RBL1: variants seen among roughly 807,000 people sequenced by gnomAD.
The protein encoded by RBL1 is retinoblastoma-like protein 1.
Under a neutral mutation model 123.0 loss-of-function variants are expected in RBL1, and 82 were observed. The ratio of observed to expected loss-of-function variants is 0.67; its 90% CI spans 0.56 to 0.80. The LOEUF (loss-of-function observed/expected upper bound fraction) is 0.80, where lower values mean the gene tolerates loss of function less well. Ranked by LOEUF, RBL1 falls within the 30% of genes least tolerant of loss-of-function variation. The pLI, the probability that RBL1 is intolerant of heterozygous loss-of-function variation, is 0.00. For synonymous variants in RBL1, 405 were observed against 441.3 expected, an observed-to-expected ratio of 0.92 and a Z score of 1.03; for missense variants, 1,171 against 1,299.6, an observed-to-expected ratio of 0.90 and a Z score of 1.52.
chr20:37,095,766 C>G lies in RBL1; in HGVS notation c.156+7G>C. 1.3e-6 allele frequency: 2 copies of G among 1,582,376 alleles called. No homozygotes were observed. Among genetic ancestry groups the G allele is most frequent in the African/African-American group, 1.3e-5 (1 of 74,424 alleles). ...AGGGTCCGGCCGCCCCACCTGCTGC[C>G]GCTCACCTCTAGGCTGTAGTTGCCT... On this transcript the variant is annotated splice_region_variant and intron_variant, in intron 1 of 21. Transcript: ENST00000373664.
intron 6 of RBL1, 51 bp downstream of exon 6, chr20:37,066,673 C>T (rs1200121902): frequency 8.5e-6 from 13 of 1,524,444 alleles, no homozygotes; most frequent in Middle Eastern, 1.7e-4. Context: ...TTTCTTTTCA[C>T]ATTACTGGTG....
In RBL1 at chr20:36,996,662, CT is replaced by C; in HGVS notation, c.*2096del. On this transcript the variant is annotated 3_prime_UTR_variant, in exon 22 of 22. Transcript: ENST00000373664. ...CTATGTTGCCCAGGTTAGTCTTGAA[CT>C]CCTGGACTGAAGCAATCCTCCTGCC... is the stretch of plus-strand genomic sequence containing the variant. 1 of 152,350 alleles carries C rather than the reference CT, an allele frequency of 6.6e-6. No homozygotes were observed. The highest frequency in any genetic ancestry group is 2.1e-4 in the South Asian group (1 of 4,826). 9.4% of individuals were successfully genotyped at this position (152,350 alleles called of 1,614,324 possible). A position where few individuals can be genotyped will look rare whatever the true frequency, so the allele number is the denominator to read the frequency against.
At position 36,998,538 on chromosome 20, in the gene RBL1, TTTAAAAGGCAC is replaced by T; in HGVS notation, c.*210_*220del. The T allele has an allele frequency of 2.1e-6, 1 of 476,272 alleles. No homozygotes were observed. The highest frequency in any genetic ancestry group is 3.7e-6 in the Non-Finnish European group (1 of 272,944). The allele number at this position is 476,272 out of a possible 1,614,324, so 29.5% of individuals were successfully genotyped here. A position where few individuals can be genotyped will look rare whatever the true frequency, so the allele number is the denominator to read the frequency against. On this transcript the variant is annotated 3_prime_UTR_variant, in exon 22 of 22. Transcript: ENST00000373664. ...AGCGCCTGGCCGGACTATTAGTATT[TTTAAAAGGCAC>T]TTAAAATATTCCTTTCCAATCCAAC...
chr20:37,065,164 C>T (rs1265102805), intron 7 of RBL1, among the ~76,000 whole-genome samples: 1 of 152,070 alleles, frequency 6.6e-6, no homozygotes, highest in African/African-American at 2.4e-5. Flanking sequence ...ACCTTCTGAG[C>T]TCAAGCAATC....
intron 19 of RBL1, among the ~76,000 whole-genome samples, chr20:37,016,191 C>T (rs1213075982): frequency 1.3e-5 from 2 of 151,572 alleles, no homozygotes; most frequent in Admixed American, 1.3e-4. Flanking sequence ...CCATGCCCAG[C>T]TAATTTTTGT....
intron 18 of RBL1, among the ~76,000 whole-genome samples, chr20:37,018,741 C>T (rs1323244003): frequency 6.6e-6 from 1 of 152,096 alleles, no homozygotes; most frequent in Admixed American, 6.6e-5. Context: ...CACTTGAGGC[C>T]AGGCGTTCAA....
At chr20:37,003,563 A>G (rs562057012) in intron 21 of RBL1, 139 bp downstream of exon 21, 3 of 1,303,908 alleles carry the variant, frequency 2.3e-6, no homozygotes, top group African/African-American at 3.0e-5. Flanking sequence ...TCTTGATGAG[A>G]GGAGACATGC....
chr20:37,060,964 T>C, intron 9 of RBL1, 139 bp downstream of exon 9: 1 of 960,620 alleles, frequency 1.0e-6, no homozygotes, highest in Non-Finnish European at 1.5e-6. Flanking sequence ...GGTCAATATA[T>C]TTTGTGATTG....
intron 2 of RBL1, among the ~76,000 whole-genome samples, chr20:37,070,190 A>T (rs1187344478): frequency 6.6e-6 from 1 of 152,180 alleles, no homozygotes; most frequent in African/African-American, 2.4e-5. Context: ...GTGCTCTCTG[A>T]AACAAGTGCT....
At chr20:37,055,309 G>GAAAAAAAAAAAAAAAAAAAAAAAAAAAA (rs59560599) in intron 11 of RBL1, among the ~76,000 whole-genome samples, 1 of 84,034 alleles carries the variant, frequency 1.2e-5, no homozygotes, top group Non-Finnish European at 2.5e-5. Flanking sequence ...ATGAAGGACA[G>GAAAAAAAAAAAAAAAAAAAAAAAAAAAA]AAAAAAAAAA....
rs2146186380 is a variant in RBL1, at chr20:36,997,519, T to C, written c.*1240A>G. 3 of 152,264 alleles carry C rather than the reference T, an allele frequency of 2.0e-5. 1 individual carries two copies. In the Middle Eastern group the frequency reaches 0.01, roughly 518 times the overall value. The allele number at this position is 152,264 out of a possible 1,614,324, so 9.4% of individuals were successfully genotyped here. A position where few individuals can be genotyped will look rare whatever the true frequency, so the allele number is the denominator to read the frequency against. ...TTAAATATATTAGAATTATGAGGCA[T>C]GAGATGATATTTATGTGATTTTTAA... On this transcript the variant is annotated 3_prime_UTR_variant, in exon 22 of 22. Transcript: ENST00000373664.
intron 2 of RBL1, among the ~76,000 whole-genome samples, chr20:37,073,728 C>T (rs1394613891): frequency 4.0e-5 from 3 of 75,680 alleles, no homozygotes; most frequent in African/African-American, 1.9e-4. Context: ...AAAAAGAATA[C>T]ACTACTCAAG....
intron 19 of RBL1, among the ~76,000 whole-genome samples, chr20:37,013,067 A>AG (rs1245211539): frequency 6.6e-6 from 1 of 151,034 alleles, no homozygotes; most frequent in Non-Finnish European, 1.5e-5. Flanking sequence ...CTGCCCGGCC[A>AG]CCACCCCGTC....
chr20:37,067,423 T>C (rs1303993561), intron 3 of RBL1, 126 bp from the exon 4 acceptor site: 3 of 784,100 alleles, frequency 3.8e-6, no homozygotes, highest in Non-Finnish European at 5.9e-6. Context: ...AGAAAAGTAA[T>C]CTATTATTTA....
intron 1 of RBL1, among the ~76,000 whole-genome samples, chr20:37,092,814 T>C (rs2065669293): frequency 6.6e-6 from 1 of 152,134 alleles, no homozygotes; most frequent in Non-Finnish European, 1.5e-5. Flanking sequence ...CTTAAAAAAG[T>C]CAACTATTTT....
At chr20:37,023,492 G>A (rs1568832670) in intron 16 of RBL1, among the ~76,000 whole-genome samples, 1 of 152,004 alleles carries the variant, frequency 6.6e-6, no homozygotes, top group Admixed American at 6.6e-5. Flanking sequence ...AATTGCTAGG[G>A]GGTCTAACAT....
In RBL1 at chr20:37,067,965, A is replaced by G. The variant is rs368510751; in HGVS notation, c.491+21T>C. Reference sequence around the variant, plus strand: ...TTGTATCATAATCTTTATGTCAATTATATAAGGATTAAGGGCTCACCTCTG... The same window carrying G: ...TTGTATCATAATCTTTATGTCAATTGTATAAGGATTAAGGGCTCACCTCTG... On this transcript the variant is annotated intron_variant, in intron 3 of 21. Transcript: ENST00000373664. 26 of 1,604,280 alleles carry G rather than the reference A, an allele frequency of 1.6e-5. No homozygotes were observed. The African/African-American group carries it at 3.2e-4, about 20-fold the overall frequency.
chr20:37,095,964 C>G lies in RBL1; in HGVS notation c.-36G>C. ...CCCGCGGGCTGCGCGCCACGGCCCC[C>G]GACTTCTTTCTCCCTCCCAGGCGCG... On this transcript the variant is annotated 5_prime_UTR_variant, in exon 1 of 22. Coordinates refer to ENST00000373664, the MANE Select transcript of RBL1 (RefSeq NM_002895.5). 6.9e-7 allele frequency: 1 copy of G among 1,454,786 alleles called. No individual in the cohort carries two copies. The highest frequency in any genetic ancestry group is 9.1e-7 in the Non-Finnish European group (1 of 1,093,440). 90.1% of individuals were successfully genotyped at this position (1,454,786 alleles called of 1,614,324 possible).
chr20:37,075,600 C>T (rs1286759779), intron 2 of RBL1, among the ~76,000 whole-genome samples: 1 of 152,040 alleles, frequency 6.6e-6, no homozygotes, highest in Non-Finnish European at 1.5e-5. Context: ...GGATTATAGG[C>T]ACATGCCACC....
Sources: gnomAD v4.1 joint callset for allele counts (sites outside exome capture counted in the v4.1 genomes callset) on GRCh38, gnomAD v4.1.1 for gene constraint, MANE v1.5 for transcripts, NCBI Gene and HGNC (gene_info 2026-07-23, HGNC 2026-07-21) for gene names.